The following CUX1 variants were observed in gnomAD, a reference collection of about 807,000 sequenced individuals.
CUX1 encodes the protein protein CASP.
In CUX1, 31 loss-of-function variants were observed where a neutral mutation model predicts 158.8. The ratio of observed to expected loss-of-function variants is 0.20; its 90% CI spans 0.15 to 0.26. CUX1 has a LOEUF of 0.26. Ranked by LOEUF, CUX1 falls within the 10% of genes least tolerant of loss-of-function variation. The pLI, the probability that CUX1 is intolerant of heterozygous loss-of-function variation, is 1.00. For missense variants in CUX1, 1,589 were observed against 2,014.6 expected (o/e 0.79, Z 4.04); for synonymous variants, 879 against 862.1 (o/e 1.02, Z -0.34).
intron 14 of CUX1, among the ~76,000 whole-genome samples, chr7:102,265,555 A>G (rs1790741166): frequency 6.6e-6 from 1 of 151,180 alleles, no homozygotes; most frequent in Admixed American, 6.6e-5. Flanking sequence ...CTCCTGCCTC[A>G]GCCTCCCAAG....
intron 8 of CUX1, among the ~76,000 whole-genome samples, chr7:102,137,149 G>A (rs536547757): frequency 2.0e-5 from 3 of 152,146 alleles, no homozygotes; most frequent in Non-Finnish European, 2.9e-5. Flanking sequence ...GGGAAGAATC[G>A]TGGAGGCTCT....
intron 10 of CUX1, among the ~76,000 whole-genome samples, chr7:102,174,513 G>A (rs1462188581): frequency 6.6e-6 from 1 of 152,138 alleles, no homozygotes; most frequent in Non-Finnish European, 1.5e-5. Flanking sequence ...GGACTGACAG[G>A]CCGCTGCTTC....
chr7:102,246,352 C>A (rs1237486887), intron 23 of CUX1, among the ~76,000 whole-genome samples: 2 of 152,174 alleles, frequency 1.3e-5, no homozygotes, highest in African/African-American at 2.4e-5. Context: ...TTCTGGGGGG[C>A]TTCTCAGAAC....
intron 2 of CUX1, among the ~76,000 whole-genome samples, chr7:101,984,135 C>T (rs1416595826): frequency 0.011 from 686 of 63,306 alleles, 36 homozygotes; most frequent in African/African-American, 0.039. Flanking sequence ...TATATACACA[C>T]ACACATATAT....
intron 2 of CUX1, among the ~76,000 whole-genome samples, chr7:102,017,797 A>C (rs55749332): frequency 6.6e-6 from 1 of 152,170 alleles, no homozygotes; most frequent in African/African-American, 2.4e-5. Flanking sequence ...CAGTAAGCCA[A>C]GATCACACCA....
intron 2 of CUX1, 70 bp from the exon 3 acceptor site, chr7:102,028,028 G>A (rs1820248125): frequency 5.2e-6 from 8 of 1,544,180 alleles, no homozygotes; most frequent in Non-Finnish European, 7.1e-6. Flanking sequence ...TTTTTAGGAG[G>A]CCTTAACCAA....
intron 12 of CUX1, 79 bp from the exon 13 acceptor site, chr7:102,193,763 C>G: frequency 2.0e-6 from 3 of 1,467,176 alleles, no homozygotes; most frequent in Non-Finnish European, 2.8e-6. Flanking sequence ...TATCGCGCCA[C>G]TGCACTCTAG....
chr7:101,965,441 G>A (rs1482160439), intron 2 of CUX1, among the ~76,000 whole-genome samples: 2 of 152,124 alleles, frequency 1.3e-5, no homozygotes, highest in Non-Finnish European at 2.9e-5. Flanking sequence ...CCCAGTCAGG[G>A]CATGGTGGTG....
chr7:102,280,182 C>G, intron 19 of CUX1: 1 of 1,113,158 alleles, frequency 9.0e-7, no homozygotes, highest in South Asian at 1.3e-5. Flanking sequence ...GCCCAGGGGT[C>G]CCCCCATCAC....
intron 8 of CUX1, among the ~76,000 whole-genome samples, chr7:102,130,465 G>A (rs1554496780): frequency 1.3e-5 from 2 of 152,182 alleles, no homozygotes; most frequent in East Asian, 1.9e-4. Flanking sequence ...TGGATCACCT[G>A]AGGTCAGGAG....
intron 2 of CUX1, among the ~76,000 whole-genome samples, chr7:101,963,885 CAA>C (rs1168700612): frequency 1.3e-5 from 2 of 152,108 alleles, no homozygotes; most frequent in African/African-American, 2.4e-5. Context: ...CTCCTTACCT[CAA>C]GTGATCCTCC....
In CUX1 at chr7:102,215,381, A is replaced by C. The variant is rs78891794; in HGVS notation, c.3130+10211A>C. On this transcript the variant is annotated intron_variant, in intron 20 of 23. Transcript: ENST00000292535. ...TAACACTGATGTATGATAATTACTGAGTGTTTCTCCTGAGATAGTGCAGCA... is the reference window on the plus strand; with the variant it reads ...TAACACTGATGTATGATAATTACTGCGTGTTTCTCCTGAGATAGTGCAGCA... 1.4e-3 allele frequency among the ~76,000 whole-genome samples: 209 copies of C among 152,116 alleles called. 2 individuals are homozygous for C. The East Asian group carries it at 0.025, about 18-fold the overall frequency.
intron 23 of CUX1, among the ~76,000 whole-genome samples, chr7:102,246,889 G>A (rs1487311635): frequency 4.6e-5 from 7 of 152,180 alleles, no homozygotes; most frequent in East Asian, 1.9e-4. Context: ...CTTATTGGCC[G>A]GGCTTGGTGG....
chr7:102,198,881 A>G lies in CUX1; in HGVS notation c.1960+14A>G, dbSNP rs1421588561. 1.2e-6 allele frequency: 2 copies of G among 1,613,566 alleles called. No homozygotes were observed. The highest frequency in any genetic ancestry group is 1.7e-6 in the Non-Finnish European group (2 of 1,179,440). ...ATGGGTCTGAAGGTATGTTGCAGGC[A>G]GGCGTTTTCTTTGCAGTCAGTCACC... is the stretch of plus-strand genomic sequence containing the variant. On this transcript the variant is annotated intron_variant, in intron 16 of 23. Coordinates refer to ENST00000292535, the MANE Select transcript of CUX1 (RefSeq NM_181552.4).
At chr7:101,941,732 A>G (rs545769291) in intron 2 of CUX1, among the ~76,000 whole-genome samples, 27 of 152,278 alleles carry the variant, frequency 1.8e-4, no homozygotes, top group South Asian at 1.5e-3. Context: ...CGAAGGCTTT[A>G]TGATATTAAC....
intron 1 of CUX1, among the ~76,000 whole-genome samples, chr7:101,874,860 C>T (rs1029527853): frequency 1.3e-5 from 2 of 152,184 alleles, no homozygotes; most frequent in Admixed American, 6.5e-5. Flanking sequence ...GGCGTGGAGT[C>T]CAGTTTCAGA....
intron 2 of CUX1, among the ~76,000 whole-genome samples, chr7:101,988,108 A>G (rs1237465202): frequency 1.3e-5 from 2 of 152,110 alleles, no homozygotes; most frequent in Non-Finnish European, 2.9e-5. Flanking sequence ...GCTACTTGGG[A>G]GACTGAGGCA....
intron 3 of CUX1, among the ~76,000 whole-genome samples, chr7:102,038,663 A>C (rs1821716167): frequency 6.6e-6 from 1 of 152,176 alleles, no homozygotes; most frequent in South Asian, 2.1e-4. Context: ...ACGCTAAAGA[A>C]ACAAGCATGG....
At chr7:102,173,430 A>C (rs1424640413) in intron 10 of CUX1, among the ~76,000 whole-genome samples, 1 of 152,240 alleles carries the variant, frequency 6.6e-6, no homozygotes, top group Non-Finnish European at 1.5e-5. Flanking sequence ...TGAGCAGGCC[A>C]TCACGTCCTT....
Sources: gnomAD v4.1 joint callset for allele counts (sites outside exome capture counted in the v4.1 genomes callset) on GRCh38, gnomAD v4.1.1 for gene constraint, MANE v1.5 for transcripts, NCBI Gene and HGNC (gene_info 2026-07-23, HGNC 2026-07-21) for gene names.